The following GBP4 variants were observed in gnomAD, a reference collection of about 807,000 sequenced individuals.
The protein encoded by GBP4 is guanylate-binding protein 4.
A neutral mutation model predicts 62.2 loss-of-function variants in GBP4; 69 were observed. That is an observed-to-expected ratio of 1.11 (90% CI 0.91 to 1.36). The LOEUF (loss-of-function observed/expected upper bound fraction) is 1.36, where lower values mean the gene tolerates loss of function less well. Among genes scored for constraint, GBP4 ranks in the 40% most tolerant of loss-of-function variants. GBP4 has a pLI of 0.00. For missense variants in GBP4, 697 were observed against 759.3 expected (o/e 0.92, Z 0.96); for synonymous variants, 278 against 274.6 (o/e 1.01, Z -0.12).
At chr1:89,191,768 T>C (rs1380796877) in intron 5 of GBP4, among the ~76,000 whole-genome samples, 3 of 152,242 alleles carry the variant, frequency 2.0e-5, no homozygotes, top group Non-Finnish European at 4.4e-5. Context: ...ACTGGTTTCC[T>C]TGGCTTTTGT....
chr1:89,194,814 AT>A (rs1216267064), intron 3 of GBP4, among the ~76,000 whole-genome samples: 1 of 152,034 alleles, frequency 6.6e-6, no homozygotes, highest in Admixed American at 6.5e-5. Flanking sequence ...CTAAAACCCT[AT>A]TTTTTCATGG....
rs1647957347 is a variant in GBP4 at position 89,183,854 on chromosome 1, T to A, written c.*1400A>T. ...ATGTTTGTGCTACTGCACTCCAGCC[T>A]GGGTGTCAAAGTGAGACCCTGTTTC... On this transcript the variant is annotated 3_prime_UTR_variant, in exon 11 of 11. Transcript: ENST00000355754. 6.6e-6 allele frequency: 1 copy of A among 152,266 alleles called. No homozygotes were observed. Among genetic ancestry groups the A allele is most frequent in the Non-Finnish European group, 1.5e-5 (1 of 68,070 alleles). The allele number at this position is 152,266 out of a possible 1,614,324, so 9.4% of individuals were successfully genotyped here.
chr1:89,191,066 C>T (rs6703905), intron 6 of GBP4, among the ~76,000 whole-genome samples, 195 bp downstream of exon 6: 15,191 of 152,074 alleles, frequency 0.1, 1,746 homozygotes, highest in African/African-American at 0.28. Flanking sequence ...TTTTGTGAGA[C>T]ATATTAGGCC....
Position 89,191,369 on chromosome 1 carries a change from C to G in GBP4, c.808G>C (p.Glu270Gln). The G allele has an allele frequency of 6.2e-7, 1 of 1,614,200 alleles. No homozygotes were observed. The highest frequency in any genetic ancestry group is 8.5e-7 in the Non-Finnish European group (1 of 1,180,026). The change falls in exon 6 of 11, where the codon GAA (glutamate) becomes CAA (glutamine). Residue 270 changes from glutamate to glutamine, a missense_variant. By Grantham distance (29) the Glu-to-Gln change is conservative. Transcript: ENST00000355754. ...ATAAGGAAATGCCTTTCCAGATTTT[C>G]TTCTGGCACTTCGTCCATATGATTT... is the stretch of plus-strand genomic sequence containing the variant. ...YLNHMDEVPE[E>Q]NLERHFLMQS...
chr1:89,196,334 T>C (rs1322170187), intron 2 of GBP4, among the ~76,000 whole-genome samples: 2 of 152,214 alleles, frequency 1.3e-5, no homozygotes. Context: ...TATAATTTCC[T>C]TTATGTAAAG....
At chr1:89,185,545 C>T in intron 10 of GBP4, 76 bp from the exon 11 acceptor site, 1 of 764,240 alleles carries the variant, frequency 1.3e-6, no homozygotes, top group South Asian at 1.7e-5. Flanking sequence ...TTAACTAATT[C>T]AACGTTTAAG....
rs1481254635 is a variant in GBP4 at position 89,198,876 on chromosome 1, T to C, written c.-42A>G. The C allele has an allele frequency of 5.0e-6, 8 of 1,597,842 alleles. No homozygotes were observed. Among genetic ancestry groups the C allele is most frequent in the Non-Finnish European group, 6.9e-6 (8 of 1,165,098 alleles). On this transcript the variant is annotated 5_prime_UTR_variant, in exon 1 of 11. Transcript: ENST00000355754. ...GCCTGGATCCTCGAGAAACGGACTG[T>C]TCTTAGAAGCTGAAAGTCCAGCCGG...
At chr1:89,192,791 G>A in intron 5 of GBP4, 113 bp downstream of exon 5, 1 of 918,586 alleles carries the variant, frequency 1.1e-6, no homozygotes, top group Non-Finnish European at 1.6e-6. Context: ...CATGAGCATG[G>A]GCCTCAAATC....
In GBP4 at chr1:89,197,318, A is replaced by G. The variant is rs1365832157; in HGVS notation, c.41-14T>C. The G allele has an allele frequency of 6.2e-7, 1 of 1,608,112 alleles. No individual in the cohort carries two copies. Among genetic ancestry groups the G allele is most frequent in the Non-Finnish European group, 8.5e-7 (1 of 1,176,496 alleles). On this transcript the variant is annotated splice_polypyrimidine_tract_variant and intron_variant, in intron 1 of 10. Coordinates refer to ENST00000355754, the MANE Select transcript of GBP4 (RefSeq NM_052941.5). The stretch of plus-strand genomic sequence containing the variant: ...ATTCTGGATAACCTGTAACCCAGAA[A>G]AAAATACTCAGTAGAATACAAGATC...
intron 5 of GBP4, among the ~76,000 whole-genome samples, chr1:89,191,811 T>C (rs563390863): frequency 3.9e-5 from 6 of 152,314 alleles, no homozygotes; most frequent in African/African-American, 1.4e-4. Flanking sequence ...TTAAATGTTT[T>C]TGAATGATTA....
intron 5 of GBP4, among the ~76,000 whole-genome samples, chr1:89,192,106 G>A (rs1194237388): frequency 6.6e-6 from 1 of 152,186 alleles, no homozygotes; most frequent in Non-Finnish European, 1.5e-5. Context: ...ACCTTTCAAT[G>A]TCAGATTACA....
In GBP4 at chr1:89,187,409, C is replaced by T. The variant is rs540205086; in HGVS notation, c.1411-307G>A. ...AACCCGACAACATAAATGGGCAGTT[C>T]TACAAATACACATTCTCAGTTTTTG... is the stretch of plus-strand genomic sequence containing the variant. On this transcript the variant is annotated intron_variant, in intron 8 of 10. Coordinates refer to ENST00000355754, the MANE Select transcript of GBP4 (RefSeq NM_052941.5). 1.5e-4 allele frequency among the ~76,000 whole-genome samples: 23 copies of T among 152,226 alleles called. No individual in the cohort carries two copies. In the South Asian group the frequency reaches 3.9e-3, roughly 26 times the overall value.
Position 89,191,278 on chromosome 1 carries a change from A to G in GBP4, c.899T>C (p.Ile300Thr). 1 of 1,612,682 alleles carries G rather than the reference A, an allele frequency of 6.2e-7. No homozygotes were observed. The highest frequency in any genetic ancestry group is 2.2e-5 in the East Asian group (1 of 44,844). The change falls in exon 6 of 11, where the codon ATC becomes ACC. Residue 300 changes from isoleucine (I) to threonine (T), a missense_variant. Coordinates refer to ENST00000355754, the MANE Select transcript of GBP4 (RefSeq NM_052941.5). Reference protein sequence around the residue: ...HAKTKTLREGIIVTGKRLGTL... With the variant: ...HAKTKTLREGTIVTGKRLGTL... ...AGACTCACGCTTTCCAGTGACAATGATTCCCTCTCTCAGGGTCTTGGTCTT... is the reference window on the plus strand; with the variant it reads ...AGACTCACGCTTTCCAGTGACAATGGTTCCCTCTCTCAGGGTCTTGGTCTT...
In GBP4 at chr1:89,193,021, C is replaced by T; in HGVS notation, c.553G>A (p.Ala185Thr). Reference protein sequence around the residue: ...PDEAEDSSEFASFFPDFIWTV... With the variant: ...PDEAEDSSEFTSFFPDFIWTV... ...CAAATAAAGTCTGGAAAGAAACTCG[C>T]AAACTCGCTGGAGTCCTCAGCTTCA... The change falls in exon 5 of 11, where the codon GCG becomes ACG. Residue 185 changes from alanine (A) to threonine (T), a missense_variant. Around this residue, in one of 2 missense-constraint regions of GBP4, gnomAD observed 556 missense variants for 562.7 expected, o/e 0.99. Coordinates refer to ENST00000355754, the MANE Select transcript of GBP4 (RefSeq NM_052941.5). 1 of 1,614,214 alleles carries T rather than the reference C, an allele frequency of 6.2e-7. No homozygotes were observed. The highest frequency in any genetic ancestry group is 8.5e-7 in the Non-Finnish European group (1 of 1,180,044).
At position 89,185,217 on chromosome 1, in the gene GBP4, C is replaced by T; in HGVS notation, c.*37G>A. On this transcript the variant is annotated 3_prime_UTR_variant, in exon 11 of 11. Transcript: ENST00000355754. ...GTTATGTTATTAAAATAAAATAAAC[C>T]TCATTTTATATTTTCTTACCTGGAA... is the stretch of plus-strand genomic sequence containing the variant. The T allele has an allele frequency of 8.1e-7, 1 of 1,227,672 alleles. No individual in the cohort carries two copies. The highest frequency in any genetic ancestry group is 1.2e-6 in the Non-Finnish European group (1 of 835,754). The allele number at this position is 1,227,672 out of a possible 1,614,324, so 76.0% of individuals were successfully genotyped here. A position where few individuals can be genotyped will look rare whatever the true frequency, so the allele number is the denominator to read the frequency against.
intron 5 of GBP4, among the ~76,000 whole-genome samples, chr1:89,192,556 T>G (rs896193195): frequency 6.6e-6 from 1 of 152,184 alleles, no homozygotes; most frequent in Non-Finnish European, 1.5e-5. Flanking sequence ...CCAAATAGAA[T>G]AGGAGGAGCA....
At chr1:89,196,906 A>T (rs1480348442) in intron 2 of GBP4, among the ~76,000 whole-genome samples, 1 of 152,242 alleles carries the variant, frequency 6.6e-6, no homozygotes, top group East Asian at 1.9e-4. Flanking sequence ...CATGGAACGG[A>T]TCTTTCGATA....
chr1:89,194,847 G>A lies in GBP4; in HGVS notation c.363+450C>T, dbSNP rs189639393. 5.9e-5 allele frequency among the ~76,000 whole-genome samples: 9 copies of A among 152,100 alleles called. No individual in the cohort carries two copies. In the East Asian group the frequency reaches 7.7e-4, roughly 13 times the overall value. On this transcript the variant is annotated intron_variant, in intron 3 of 10. Coordinates refer to ENST00000355754, the MANE Select transcript of GBP4 (RefSeq NM_052941.5). The stretch of plus-strand genomic sequence containing the variant: ...ATGGTCCCCTCCTCCAACCCCACAC[G>A]CCTTAAATAGTAGATCCCATTGTTC...
chr1:89,189,969 G>T (rs1570374221), intron 7 of GBP4, 69 bp downstream of exon 7: 2 of 1,464,780 alleles, frequency 1.4e-6, no homozygotes, highest in East Asian at 4.6e-5. Flanking sequence ...GAACCATGGG[G>T]TCAAAAAGCT....
Sources: allele counts gnomAD v4.1 joint callset (sites outside exome capture counted in the v4.1 genomes callset), GRCh38; gene constraint gnomAD v4.1.1; regional missense constraint gnomAD v4.1.1; transcripts MANE v1.5; gene names NCBI Gene and HGNC (gene_info 2026-07-23, HGNC 2026-07-21).